EYS: variants seen among roughly 807,000 people sequenced by gnomAD.
EYS encodes the protein EGF-like photoreceptor maintenance factor, also known as protein eyes shut homolog.
EYS carries 250 observed loss-of-function variants against 282.1 expected under a neutral mutation model. The ratio of observed to expected loss-of-function variants is 0.89; its 90% CI spans 0.80 to 0.98. EYS has a LOEUF of 0.98. Among genes scored for constraint, EYS ranks in the 50% least tolerant of loss-of-function variants. EYS has a pLI of 0.00. For missense variants in EYS, 4,016 were observed against 3,709.0 expected, an observed-to-expected ratio of 1.08 and a Z score of -2.15; for synonymous variants, 1,355 against 1,282.9, an observed-to-expected ratio of 1.06 and a Z score of -1.20.
chr6:63,764,163 G>A (rs1292440549), intron 40 of EYS, among the ~76,000 whole-genome samples: 2 of 151,824 alleles, frequency 1.3e-5, no homozygotes, highest in East Asian at 3.9e-4. Context: ...TGGGTATGAG[G>A]TATAGGGATC....
At chr6:64,626,777 G>A (rs1161154506) in intron 22 of EYS, among the ~76,000 whole-genome samples, 1 of 152,092 alleles carries the variant, frequency 6.6e-6, no homozygotes, top group Non-Finnish European at 1.5e-5. Flanking sequence ...GTTATCTTAA[G>A]CTAACGAGTT....
chr6:65,216,913 C>T (rs1027649543), intron 12 of EYS, among the ~76,000 whole-genome samples: 10 of 151,858 alleles, frequency 6.6e-5, no homozygotes, highest in Non-Finnish European at 1.2e-4. Context: ...ACATGCAAAA[C>T]ATATCACAAA....
chr6:64,314,811 GGA>G (rs1477664584), intron 29 of EYS, among the ~76,000 whole-genome samples: 1 of 151,982 alleles, frequency 6.6e-6, no homozygotes, highest in Non-Finnish European at 1.5e-5. Context: ...AATGCCCACA[GGA>G]GAAAGTAGGA....
At chr6:65,399,631 C>A (rs1766418141) in intron 7 of EYS, among the ~76,000 whole-genome samples, 1 of 151,950 alleles carries the variant, frequency 6.6e-6, no homozygotes, top group African/African-American at 2.4e-5. Flanking sequence ...ACTTGTATGG[C>A]TGAAGATTAA....
chr6:64,775,956 G>A (rs1043930832), intron 22 of EYS, among the ~76,000 whole-genome samples: 1 of 151,926 alleles, frequency 6.6e-6, no homozygotes, highest in Non-Finnish European at 1.5e-5. Context: ...ATCTATATCA[G>A]GTTCTATCTC....
intron 12 of EYS, among the ~76,000 whole-genome samples, chr6:65,209,757 A>G (rs1202141221): frequency 6.6e-6 from 1 of 151,938 alleles, no homozygotes; most frequent in African/African-American, 2.4e-5. Context: ...CATTGTACAT[A>G]CTATGGTCAG....
intron 24 of EYS, among the ~76,000 whole-genome samples, chr6:64,600,011 A>G (rs564269243): frequency 1.3e-5 from 2 of 152,286 alleles, no homozygotes; most frequent in African/African-American, 2.4e-5. Flanking sequence ...GTGGACTGTT[A>G]GTATATTTCA....
chr6:64,014,085 C>T (rs1039623113), intron 33 of EYS, among the ~76,000 whole-genome samples: 1 of 152,000 alleles, frequency 6.6e-6, no homozygotes, highest in African/African-American at 2.4e-5. Context: ...GATTTCTGAT[C>T]CTTTCATCTC....
chr6:64,568,709 A>G (rs1265129306), intron 26 of EYS, among the ~76,000 whole-genome samples: 1 of 152,160 alleles, frequency 6.6e-6, no homozygotes, highest in African/African-American at 2.4e-5. Flanking sequence ...GCAGGGGTCG[A>G]CAGACACCTC....
intron 14 of EYS, among the ~76,000 whole-genome samples, chr6:64,972,911 C>T (rs1266432628): frequency 6.6e-6 from 1 of 152,006 alleles, no homozygotes; most frequent in African/African-American, 2.4e-5. Context: ...AGCCTACTTT[C>T]CCAATTCACC....
Position 64,192,526 on chromosome 6 carries a change from G to A in EYS, c.6424+38066C>T, listed in dbSNP as rs186691894. 6.1e-3 allele frequency among the ~76,000 whole-genome samples: 933 copies of A among 151,974 alleles called. 8 individuals carry two copies. Among genetic ancestry groups the A allele is most frequent in the African/African-American group, 0.021 (891 of 41,460 alleles). On this transcript the variant is annotated intron_variant, in intron 31 of 42. Coordinates refer to ENST00000503581, the MANE Select transcript of EYS (RefSeq NM_001142800.2). Reference sequence around the variant, plus strand: ...GAACAGAGCCCTCAGAAATAACGCCGCGTATCTACAACTATCTGATCTTTG... The same window carrying A: ...GAACAGAGCCCTCAGAAATAACGCCACGTATCTACAACTATCTGATCTTTG...
chr6:65,380,268 T>C (rs1283934528), intron 8 of EYS, among the ~76,000 whole-genome samples: 5 of 151,930 alleles, frequency 3.3e-5, no homozygotes, highest in African/African-American at 9.7e-5. Flanking sequence ...GGCATCAAAA[T>C]AGATATATAG....
At chr6:64,810,479 C>G (rs1178572678) in intron 22 of EYS, among the ~76,000 whole-genome samples, 1 of 151,882 alleles carries the variant, frequency 6.6e-6, no homozygotes, top group Non-Finnish European at 1.5e-5. Flanking sequence ...TACACTTCAC[C>G]AAGTTAAAAT....
intron 12 of EYS, among the ~76,000 whole-genome samples, chr6:65,273,273 A>G (rs1767952560): frequency 6.6e-6 from 1 of 152,202 alleles, no homozygotes; most frequent in African/African-American, 2.4e-5. Context: ...GAAACTACAG[A>G]TAAGTGGGGA....
chr6:64,643,118 C>CCG (rs1335805051), intron 22 of EYS, among the ~76,000 whole-genome samples: 1 of 118,892 alleles, frequency 8.4e-6, no homozygotes, highest in Non-Finnish European at 1.8e-5. Context: ...TCCATCCCCC[C>CCG]CCCCAAAAAA....
intron 12 of EYS, among the ~76,000 whole-genome samples, chr6:65,229,368 C>G (rs866087855): frequency 6.6e-6 from 1 of 151,896 alleles, no homozygotes; most frequent in Middle Eastern, 3.4e-3. Context: ...GACAGCATAG[C>G]AAGGATGTTG....
intron 35 of EYS, among the ~76,000 whole-genome samples, chr6:63,963,588 C>T (rs994373483): frequency 5.9e-5 from 9 of 152,166 alleles, no homozygotes; most frequent in African/African-American, 9.6e-5. Flanking sequence ...TGGGTCTGGG[C>T]GAGGGGACAG....
At position 64,714,404 on chromosome 6, in the gene EYS, A is replaced by G. The variant is rs147830120; in HGVS notation, c.3444-88159T>C. Among the ~76,000 whole-genome samples the G allele has an allele frequency of 6.3e-3, 967 of 152,360 alleles. 10 individuals are homozygous for G. Among genetic ancestry groups the G allele is most frequent in the African/African-American group, 0.022 (923 of 41,590 alleles). On this transcript the variant is annotated intron_variant, in intron 22 of 42. Transcript: ENST00000503581. Reference sequence around the variant, plus strand: ...TGGCTTTAGCAGAAGGCAATATGACATAATAGATTTCACTGTCAACAGACA... The same window carrying G: ...TGGCTTTAGCAGAAGGCAATATGACGTAATAGATTTCACTGTCAACAGACA...
intron 26 of EYS, among the ~76,000 whole-genome samples, chr6:64,466,221 T>C (rs1001600049): frequency 6.6e-6 from 1 of 152,048 alleles, no homozygotes; most frequent in African/African-American, 2.4e-5. Flanking sequence ...AATAGCACTA[T>C]AATATAATCT....
Sources: gnomAD v4.1 joint callset for allele counts (sites outside exome capture counted in the v4.1 genomes callset) on GRCh38, gnomAD v4.1.1 for gene constraint, MANE v1.5 for transcripts, NCBI Gene and HGNC (gene_info 2026-07-23, HGNC 2026-07-21) for gene names.